SH3BP4: variants seen among roughly 807,000 people sequenced by gnomAD.
The protein encoded by SH3BP4 is SH3 domain binding protein 4, also known as SH3 domain-binding protein 4.
SH3BP4 carries 33 observed loss-of-function variants against 65.5 expected under a neutral mutation model. That is an observed-to-expected ratio of 0.50 (90% confidence interval 0.38 to 0.67). The LOEUF is 0.67. Among genes scored for constraint, SH3BP4 ranks in the 30% least tolerant of loss-of-function variants. SH3BP4 has a pLI of 0.00. For synonymous variants in SH3BP4, 552 were observed against 545.5 expected (o/e 1.01, Z -0.17); for missense variants, 1,134 against 1,261.4 (o/e 0.90, Z 1.53).
chr2:234,964,070 A>G (rs903332730), intron 1 of SH3BP4, among the ~76,000 whole-genome samples: 47 of 152,294 alleles, frequency 3.1e-4, no homozygotes, highest in African/African-American at 1.1e-3. Flanking sequence ...CTGCCTCCTC[A>G]GGTCTTGGCA....
intron 1 of SH3BP4, among the ~76,000 whole-genome samples, chr2:234,959,607 C>CT (rs767051723): frequency 6.6e-6 from 1 of 150,862 alleles, no homozygotes; most frequent in Non-Finnish European, 1.5e-5. Context: ...TTTACCTTGC[C>CT]TTTGTTTACC....
Position 235,043,115 on chromosome 2 carries a change from G to C in SH3BP4, c.2346G>C (p.Pro782=), listed in dbSNP as rs79192381. 26 of 1,613,602 alleles carry C rather than the reference G, an allele frequency of 1.6e-5. No individual in the cohort carries two copies. Among genetic ancestry groups the C allele is most frequent in the Middle Eastern group, 1.6e-4 (1 of 6,082 alleles). Residue 782 remains proline, a synonymous_variant, in exon 4 of 6, where the codon CCG becomes CCC. Transcript: ENST00000392011. ...FADALGYVNL[P]LTFFCRAELD... Reference sequence around the variant, plus strand: ...ACGCCCTGGGCTACGTGAACCTGCCGCTCACCTTTTTCTGCCGGGCAGAGC... The same window carrying C: ...ACGCCCTGGGCTACGTGAACCTGCCCCTCACCTTTTTCTGCCGGGCAGAGC...
chr2:234,995,981 C>T (rs1438884281), intron 2 of SH3BP4: 1 of 152,262 alleles, frequency 6.6e-6, no homozygotes, highest in African/African-American at 2.4e-5. Context: ...AAATGGTGTT[C>T]TGGTAAAATG....
At chr2:234,972,690 C>T (rs1333930453) in intron 1 of SH3BP4, among the ~76,000 whole-genome samples, 1 of 152,122 alleles carries the variant, frequency 6.6e-6, no homozygotes, top group Non-Finnish European at 1.5e-5. Flanking sequence ...CATGCTGCTG[C>T]ACTCCAGCCT....
intron 2 of SH3BP4, among the ~76,000 whole-genome samples, chr2:235,007,473 A>G (rs1316783420): frequency 6.6e-6 from 1 of 152,178 alleles, no homozygotes; most frequent in Non-Finnish European, 1.5e-5. Flanking sequence ...TCCAACCGGC[A>G]TGGAGTGGGT....
chr2:235,023,600 T>C (rs894043339), intron 2 of SH3BP4, among the ~76,000 whole-genome samples: 1 of 152,088 alleles, frequency 6.6e-6, no homozygotes, highest in Admixed American at 6.6e-5. Flanking sequence ...AAAAAGCGTT[T>C]TTGATTGTAG....
intron 2 of SH3BP4, among the ~76,000 whole-genome samples, chr2:235,000,016 C>T (rs924120818): frequency 1.3e-5 from 2 of 152,170 alleles, no homozygotes; most frequent in African/African-American, 4.8e-5. Flanking sequence ...GCTCTGGGTC[C>T]GCTGTGGATT....
chr2:234,988,619 G>A (rs1331169225), intron 1 of SH3BP4, among the ~76,000 whole-genome samples: 4 of 152,236 alleles, frequency 2.6e-5, no homozygotes, highest in African/African-American at 7.2e-5. Context: ...CAAAGGCAGG[G>A]GGCCTCCGCC....
At chr2:234,990,552 C>G (rs1373912539) in intron 1 of SH3BP4, among the ~76,000 whole-genome samples, 1 of 152,226 alleles carries the variant, frequency 6.6e-6, no homozygotes, top group Non-Finnish European at 1.5e-5. Context: ...TCATGCGGGT[C>G]TGGCCCTGAA....
chr2:235,028,666 T>C (rs1303559002), intron 2 of SH3BP4, among the ~76,000 whole-genome samples: 1 of 151,996 alleles, frequency 6.6e-6, no homozygotes, highest in East Asian at 1.9e-4. Context: ...CATGGAGAAA[T>C]TGGGCCAGGG....
chr2:235,050,361 C>A (rs1406485378), intron 4 of SH3BP4, among the ~76,000 whole-genome samples: 2 of 152,104 alleles, frequency 1.3e-5, no homozygotes, highest in African/African-American at 2.4e-5. Context: ...TCGTGATCCA[C>A]CTGCCTCAGC....
At chr2:234,986,391 C>G (rs1693560819) in intron 1 of SH3BP4, among the ~76,000 whole-genome samples, 1 of 152,238 alleles carries the variant, frequency 6.6e-6, no homozygotes, top group African/African-American at 2.4e-5. Flanking sequence ...TCTTTCAAGA[C>G]TCCGTCACAA....
At chr2:234,965,929 A>G (rs775166859) in intron 1 of SH3BP4, among the ~76,000 whole-genome samples, 23 of 152,326 alleles carry the variant, frequency 1.5e-4, no homozygotes, top group Non-Finnish European at 1.5e-4. Flanking sequence ...GCAATGCAGT[A>G]GAGCTCGCAA....
rs114058320 is a variant in SH3BP4 at position 234,976,611 on chromosome 2, G to A, written c.-206-18692G>A. 0.011 allele frequency among the ~76,000 whole-genome samples: 1,708 copies of A among 152,240 alleles called. 34 individuals carry two copies. Among genetic ancestry groups the A allele is most frequent in the African/African-American group, 0.039 (1,605 of 41,528 alleles). On this transcript the variant is annotated intron_variant, in intron 1 of 5. Transcript: ENST00000392011. This position sits in a 1 kb window ranked among gnomAD's most constrained non-coding sequence, Gnocchi z 4.7. ...CTGAGCAGAGCAAGCAGGGGCCTGC[G>A]GAAGGGGTTAAGAGGGGCTGGGCAG...
chr2:234,978,176 G>A lies in SH3BP4; in HGVS notation c.-206-17127G>A, dbSNP rs1693230694. Among the ~76,000 whole-genome samples the A allele has an allele frequency of 6.6e-6, 1 of 152,022 alleles. No individual in the cohort carries two copies. Among genetic ancestry groups the A allele is most frequent in the Non-Finnish European group, 1.5e-5 (1 of 68,006 alleles). On this transcript the variant is annotated intron_variant, in intron 1 of 5. Coordinates refer to ENST00000392011, the MANE Select transcript of SH3BP4 (RefSeq NM_014521.3). This position sits in a 1 kb window ranked among gnomAD's most constrained non-coding sequence, Gnocchi z 4.1. ...TCACCATGTTGGCCAGGCTGGAATC[G>A]AACTCCCGACCTCAGGTGATCCGCC... is the stretch of plus-strand genomic sequence containing the variant.
At chr2:235,032,801 G>A (rs1033112896) in intron 2 of SH3BP4, among the ~76,000 whole-genome samples, 12 of 152,126 alleles carry the variant, frequency 7.9e-5, no homozygotes, top group African/African-American at 2.7e-4. Flanking sequence ...CCTGGCATGA[G>A]CACCGTCACT....
chr2:234,969,544 A>G lies in SH3BP4; in HGVS notation c.-207+17374A>G, dbSNP rs947481819. On this transcript the variant is annotated intron_variant, in intron 1 of 5. Transcript: ENST00000392011. ...CAGCGCCAGTTGTCGCCTTCCAGCT[A>G]TTCCAAGGACTGAAAACACAGATCT... 7.2e-5 allele frequency among the ~76,000 whole-genome samples: 11 copies of G among 152,268 alleles called. No individual in the cohort carries two copies. The East Asian group carries it at 1.7e-3, about 24-fold the overall frequency.
chr2:235,030,659 G>T lies in SH3BP4; in HGVS notation c.-132-4212G>T, dbSNP rs1010893547. Reference sequence around the variant, plus strand: ...GGGAGGAGGAGGAGGGGTGGGAGGGGAGAGGATTCTGCTGTAGGAAAGAGG... The same window carrying T: ...GGGAGGAGGAGGAGGGGTGGGAGGGTAGAGGATTCTGCTGTAGGAAAGAGG... On this transcript the variant is annotated intron_variant, in intron 2 of 5. Coordinates refer to ENST00000392011, the MANE Select transcript of SH3BP4 (RefSeq NM_014521.3). The surrounding 1 kb of genome is among the most constrained non-coding windows in gnomAD (Gnocchi z 4.1). 6.6e-6 allele frequency among the ~76,000 whole-genome samples: 1 copy of T among 152,134 alleles called. No homozygotes were observed. Among genetic ancestry groups the T allele is most frequent in the African/African-American group, 2.4e-5 (1 of 41,430 alleles).
rs1695320030 is a variant in SH3BP4, at chr2:235,034,808, A to C, written c.-132-63A>C. On this transcript the variant is annotated intron_variant, in intron 2 of 5. Transcript: ENST00000392011. The surrounding 1 kb of genome is among the most constrained non-coding windows in gnomAD (Gnocchi z 6.2). ...GAAAGAGGATTCCCACTTCCCATAA[A>C]ATTACCATTGAACCCATGTTTCGCT... The C allele has an allele frequency of 1.7e-6, 1 of 577,196 alleles. No homozygotes were observed. The highest frequency in any genetic ancestry group is 2.9e-5 in the East Asian group (1 of 34,238). The allele number at this position is 577,196 out of a possible 1,614,324, so 35.8% of individuals were successfully genotyped here. A position where few individuals can be genotyped will look rare whatever the true frequency, so the allele number is the denominator to read the frequency against.
Sources: allele counts gnomAD v4.1 joint callset (sites outside exome capture counted in the v4.1 genomes callset), GRCh38; gene constraint gnomAD v4.1.1; non-coding constraint Gnocchi (gnomAD v3.1); transcripts MANE v1.5; gene names NCBI Gene and HGNC (gene_info 2026-07-23, HGNC 2026-07-21).